The following LRWD1 variants were observed in gnomAD, a reference collection of about 807,000 sequenced individuals.
LRWD1 encodes leucine rich repeats and WD repeat domain containing 1, also known as leucine-rich repeat and WD repeat-containing protein 1.
A neutral mutation model predicts 75.6 loss-of-function variants in LRWD1; 76 were observed. The observed-to-expected ratio is 1.01, with a 90% confidence interval of 0.84 to 1.22. The LOEUF is 1.22. LRWD1 is among the 50% of genes most tolerant of loss of function. LRWD1 has a pLI of 0.00. For missense variants in LRWD1, 917 were observed against 862.0 expected, an observed-to-expected ratio of 1.06 and a Z score of -0.80; for synonymous variants, 487 against 377.0, an observed-to-expected ratio of 1.29 and a Z score of -3.38.
In LRWD1 at chr7:102,467,372, C is replaced by A. The variant is rs143788158; in HGVS notation, c.466C>A (p.Leu156Met). Reference protein sequence around the residue: ...TAHWEKFMATLGPEEEAEKAQ... With the variant: ...TAHWEKFMATMGPEEEAEKAQ... ...TCACTGGGAGAAGTTCATGGCCACA[C>A]TGGGTCCTGAAGAGGAGGCTGAGAA... The change falls in exon 4 of 15, where the codon CTG becomes ATG. Residue 156 changes from leucine (L) to methionine (M), a missense_variant. Transcript: ENST00000292616. The A allele has an allele frequency of 3.1e-4, 501 of 1,612,972 alleles. No individual in the cohort carries two copies. In the African/African-American group the frequency reaches 5.8e-3, roughly 19 times the overall value.
Position 102,466,177 on chromosome 7 carries a change from C to T in LRWD1, c.339C>T (p.Ser113=). ...AGGTCAATGACAACCTGAAAGTCTC[C>T]TTTCTCCTGCCCACGCTCCGTAAGG... is the stretch of plus-strand genomic sequence containing the variant. ...FLTVNDNLKV[S]FLLPTLRKVN... The change falls in exon 3 of 15, where the codon TCC becomes TCT. Residue 113 remains serine (S), a synonymous_variant. Coordinates refer to ENST00000292616, the MANE Select transcript of LRWD1 (RefSeq NM_152892.3). 6.2e-7 allele frequency: 1 copy of T among 1,614,196 alleles called. No homozygotes were observed. Among genetic ancestry groups the T allele is most frequent in the Non-Finnish European group, 8.5e-7 (1 of 1,180,036 alleles).
Position 102,466,387 on chromosome 7 carries a change from A to G in LRWD1, c.432+117A>G, listed in dbSNP as rs1187475907. ...TGACTGATAGAGGCTCTTTGCCCCAACAGCCCCTAGCCTGATGTGCTACTT... is the reference window on the plus strand; with the variant it reads ...TGACTGATAGAGGCTCTTTGCCCCAGCAGCCCCTAGCCTGATGTGCTACTT... On this transcript the variant is annotated intron_variant, in intron 3 of 14. Coordinates refer to ENST00000292616, the MANE Select transcript of LRWD1 (RefSeq NM_152892.3). 11 of 771,152 alleles carry G rather than the reference A, an allele frequency of 1.4e-5. No homozygotes were observed. In the Middle Eastern group the frequency reaches 1.2e-3, roughly 88 times the overall value. The allele number at this position is 771,152 out of a possible 1,614,324, so 47.8% of individuals were successfully genotyped here. A position where few individuals can be genotyped will look rare whatever the true frequency, so the allele number is the denominator to read the frequency against.
rs562761912 is a variant in LRWD1, at chr7:102,469,895, A to C, written c.1442+13A>C. 1 of 1,517,810 alleles carries C rather than the reference A, an allele frequency of 6.6e-7. No homozygotes were observed. The highest frequency in any genetic ancestry group is 1.4e-5 in the African/African-American group (1 of 72,582). 94.0% of individuals were successfully genotyped at this position (1,517,810 alleles called of 1,614,324 possible). On this transcript the variant is annotated intron_variant, in intron 11 of 14. Coordinates refer to ENST00000292616, the MANE Select transcript of LRWD1 (RefSeq NM_152892.3). ...CCCAAAAGAGGAGGTGAGGCTGGGC[A>C]GGGGGCGCCTTGGAAGCCAGGCCTC... is the stretch of plus-strand genomic sequence containing the variant.
rs769325015 is a variant in LRWD1 at position 102,473,063 on chromosome 7, C to G, written c.*14C>G. On this transcript the variant is annotated 3_prime_UTR_variant, in exon 15 of 15. Transcript: ENST00000292616. ...GGGAGGATGTAGCCTCACACCATCG[C>G]AAAGGACCAGGGACACAGCTAACTA... is the stretch of plus-strand genomic sequence containing the variant. 3.1e-6 allele frequency: 5 copies of G among 1,605,398 alleles called. No homozygotes were observed. The highest frequency in any genetic ancestry group is 4.3e-6 in the Non-Finnish European group (5 of 1,174,700).
intron 3 of LRWD1, 133 bp from the exon 4 acceptor site, chr7:102,467,206 G>GTGTGTGTT: frequency 4.0e-6 from 3 of 745,632 alleles, no homozygotes; most frequent in Middle Eastern, 3.8e-4. Flanking sequence ...GTGTGTGTGT[G>GTGTGTGTT]TGTGTGTGTT....
rs73189880 is a variant in LRWD1 at position 102,468,085 on chromosome 7, G to A, written c.702G>A (p.Arg234=). The A allele has an allele frequency of 0.14, 226,639 of 1,608,386 alleles. 17,211 individuals are homozygous for A. The highest frequency in any genetic ancestry group is 0.23 in the South Asian group (21,139 of 90,840). The change falls in exon 6 of 15, where the codon CGG becomes CGA. Residue 234 remains arginine (R), a synonymous_variant. Transcript: ENST00000292616. ...KPRARLAALK[R]PDDVPLSLSP... ...AGGCCAGACTGGCGGCCTTGAAACG[G>A]CCAGACGACGTCCCACTCAGCCTCT...
intron 3 of LRWD1, 36 bp downstream of exon 3, chr7:102,466,306 C>T (rs934195995): frequency 6.6e-7 from 1 of 1,519,760 alleles, no homozygotes; most frequent in Non-Finnish European, 9.1e-7. Flanking sequence ...TGCTTAGGAG[C>T]TGTGGGGGCA....
intron 11 of LRWD1, 197 bp from the exon 12 acceptor site, chr7:102,472,021 G>C: frequency 1.7e-6 from 1 of 584,634 alleles, no homozygotes; most frequent in Non-Finnish European, 3.1e-6. Context: ...CTGTGACTCG[G>C]GACACTCAGG....
chr7:102,465,940 G>T lies in LRWD1; in HGVS notation c.204G>T (p.Leu68=). The change falls in exon 2 of 15, where the codon CTG becomes CTT. Residue 68 remains leucine, a synonymous_variant. Transcript: ENST00000292616. The part of the protein sequence containing the change: ...HLETLPDNLG[L]SHLRVLRCAN... ...AGACGCTGCCGGACAACCTGGGCCTGTCCCACCTGCGTGTCCTCCGCTGCG... is the reference window on the plus strand; with the variant it reads ...AGACGCTGCCGGACAACCTGGGCCTTTCCCACCTGCGTGTCCTCCGCTGCG... 6.2e-7 allele frequency: 1 copy of T among 1,613,854 alleles called. No homozygotes were observed. The highest frequency in any genetic ancestry group is 1.1e-5 in the South Asian group (1 of 91,084).
In LRWD1 at chr7:102,472,590, C is replaced by G. The variant is rs1260413561; in HGVS notation, c.1671C>G (p.Phe557Leu). Residue 557 changes from phenylalanine to leucine, a missense_variant, in exon 13 of 15, where the codon TTC becomes TTG. By Grantham distance (22) the Phe-to-Leu change is conservative (BLOSUM62 0). Coordinates refer to ENST00000292616, the MANE Select transcript of LRWD1 (RefSeq NM_152892.3). ...LQWSSTELAY[F>L]SLSACPDKGI... The stretch of plus-strand genomic sequence containing the variant: ...GGTCGTCCACCGAGTTGGCCTACTT[C>G]TCGCTCAGCGCCTGCCCTGGTGAGC... 1 of 1,608,804 alleles carries G rather than the reference C, an allele frequency of 6.2e-7. No homozygotes were observed. The highest frequency in any genetic ancestry group is 1.7e-5 in the Admixed American group (1 of 59,744).
intron 11 of LRWD1, chr7:102,470,679 G>C (rs911491875): frequency 8.5e-5 from 13 of 152,344 alleles, no homozygotes; most frequent in African/African-American, 9.6e-5. Flanking sequence ...GCCACAGCTG[G>C]GTGGACCCAG....
Position 102,472,319 on chromosome 7 carries a change from C to G in LRWD1, c.1534+10C>G, listed in dbSNP as rs769061010. 3.5e-5 allele frequency: 55 copies of G among 1,564,890 alleles called. 1 individual carries two copies. The South Asian group carries it at 6.2e-4, about 18-fold the overall frequency. On this transcript the variant is annotated intron_variant, in intron 12 of 14. Coordinates refer to ENST00000292616, the MANE Select transcript of LRWD1 (RefSeq NM_152892.3). ...AATGAGGACATCGTGGGTGAGTGAG[C>G]TCAGCTTGTGGGACAGCCTGGCCTC...
intron 3 of LRWD1, among the ~76,000 whole-genome samples, 156 bp downstream of exon 3, chr7:102,466,426 A>AT (rs869265893): frequency 8.3e-6 from 1 of 120,758 alleles, no homozygotes; most frequent in African/African-American, 2.8e-5. Flanking sequence ...TTATTTATTT[A>AT]TTTTTTGAGA....
At chr7:102,467,981 A>G in intron 5 of LRWD1, 81 bp from the exon 6 acceptor site, 2 of 1,554,182 alleles carry the variant, frequency 1.3e-6, no homozygotes, top group Non-Finnish European at 1.7e-6. Context: ...CTGCATCCGC[A>G]GTGAGGTGGG....
intron 11 of LRWD1, 114 bp from the exon 12 acceptor site, chr7:102,472,104 G>T (rs940375964): frequency 4.3e-6 from 4 of 939,102 alleles, no homozygotes; most frequent in Non-Finnish European, 6.7e-6. Context: ...GGCATCTTCT[G>T]TGCAGCCTTC....
Position 102,465,489 on chromosome 7 carries a change from CTTTTTTTTTTTTTTTTTTTT to C in LRWD1, c.81-311_81-292del, listed in dbSNP as rs1007523343. 23 of 73,748 alleles carry C rather than the reference CTTTTTTTTTTTTTTTTTTTT, an allele frequency of 3.1e-4. 2 individuals carry two copies. Among genetic ancestry groups the C allele is most frequent in the Non-Finnish European group, 5.0e-4 (18 of 35,988 alleles). 4.6% of individuals were successfully genotyped at this position (73,748 alleles called of 1,614,324 possible). Reference sequence around the variant, plus strand: ...CCCCCGAGTCCTAAAGTAGTTGCAGCTTTTTTTTTTTTTTTTTTTTTTTTTTTTTTTTTTTTGTTAAGTGG... The same window carrying C: ...CCCCCGAGTCCTAAAGTAGTTGCAGCTTTTTTTTTTTTTTTTGTTAAGTGG... On this transcript the variant is annotated intron_variant, in intron 1 of 14. Transcript: ENST00000292616.
At position 102,467,407 on chromosome 7, in the gene LRWD1, G is replaced by A. The variant is rs376444470; in HGVS notation, c.501G>A (p.Ala167=). The change falls in exon 4 of 15, where the codon GCG becomes GCA. Residue 167 remains alanine (A), a synonymous_variant. Coordinates refer to ENST00000292616, the MANE Select transcript of LRWD1 (RefSeq NM_152892.3). ...AAGAGGAGGCTGAGAAGGCCCAGGC[G>A]GACTTTGTGAAGTCGGCTGTCAGGG... ...GPEEEAEKAQ[A]DFVKSAVRDV... The A allele has an allele frequency of 2.5e-5, 41 of 1,613,672 alleles. No homozygotes were observed. Among genetic ancestry groups the A allele is most frequent in the South Asian group, 3.3e-5 (3 of 91,054 alleles).
chr7:102,467,358 A>T lies in LRWD1; in HGVS notation c.452A>T (p.Lys151Met). The part of the protein sequence containing the change: ...LTSRVTAHWE[K>M]FMATLGPEEE... ...CACCAGGTCACAGCTCACTGGGAGA[A>T]GTTCATGGCCACACTGGGTCCTGAA... Residue 151 changes from lysine (K) to methionine (M), a missense_variant, in exon 4 of 15, where the codon AAG becomes ATG. Coordinates refer to ENST00000292616, the MANE Select transcript of LRWD1 (RefSeq NM_152892.3). 1 of 1,610,732 alleles carries T rather than the reference A, an allele frequency of 6.2e-7. No homozygotes were observed.
At chr7:102,466,825 T>C (rs1162525544) in intron 3 of LRWD1, among the ~76,000 whole-genome samples, 6 of 136,286 alleles carry the variant, frequency 4.4e-5, no homozygotes, top group Non-Finnish European at 4.6e-5. Flanking sequence ...CTGCTGCCCA[T>C]GTTGAAGTGC....
Sources: allele counts gnomAD v4.1 joint callset (sites outside exome capture counted in the v4.1 genomes callset), GRCh38; gene constraint gnomAD v4.1.1; transcripts MANE v1.5; gene names NCBI Gene and HGNC (gene_info 2026-07-23, HGNC 2026-07-21).